The following GYG1 variants were observed in gnomAD, a reference collection of about 807,000 sequenced individuals.
The protein encoded by GYG1 is glycogenin-1.
In GYG1, 44 loss-of-function variants were observed where a neutral mutation model predicts 41.9. That is an observed-to-expected ratio of 1.05 (90% confidence interval 0.83 to 1.35). GYG1 has a LOEUF of 1.35. Among genes scored for constraint, GYG1 ranks in the 40% most tolerant of loss-of-function variants. The probability of loss-of-function intolerance (pLI) is 0.00; values close to 1 mark genes in which losing one functional copy is unlikely to be tolerated. For synonymous variants in GYG1, 141 were observed against 158.1 expected (o/e 0.89, Z 0.81); for missense variants, 429 against 418.9 (o/e 1.02, Z -0.21).
rs144745598 is a variant in GYG1 at position 149,020,222 on chromosome 3, C to T, written c.609-3831C>T. Among the ~76,000 whole-genome samples, 759 of 152,332 alleles carry T rather than the reference C, an allele frequency of 5.0e-3. 7 individuals carry two copies. Among genetic ancestry groups the T allele is most frequent in the African/African-American group, 0.018 (737 of 41,556 alleles). On this transcript the variant is annotated intron_variant, in intron 5 of 7. Coordinates refer to ENST00000345003, the MANE Select transcript of GYG1 (RefSeq NM_004130.4). ...AGTTGCTTACTTCATAATATGCTTT[C>T]CTATTGGTTACTTTCTGTTGCTGGG...
intron 5 of GYG1, among the ~76,000 whole-genome samples, chr3:149,020,922 G>A (rs1387287798): frequency 2.6e-5 from 4 of 152,120 alleles, no homozygotes; most frequent in Non-Finnish European, 4.4e-5. Flanking sequence ...ACTCTGTTTC[G>A]GTTTTAGGCT....
In GYG1 at chr3:149,027,774, G is replaced by T. The variant is rs1278340916; in HGVS notation, c.*841G>T. On this transcript the variant is annotated 3_prime_UTR_variant, in exon 8 of 8. Coordinates refer to ENST00000345003, the MANE Select transcript of GYG1 (RefSeq NM_004130.4). Reference sequence around the variant, plus strand: ...ATTGGGATATATGCTTTAAAAACTGGTATCTATGATTTCAATCTAATTGTT... The same window carrying T: ...ATTGGGATATATGCTTTAAAAACTGTTATCTATGATTTCAATCTAATTGTT... 1 of 152,116 alleles carries T rather than the reference G, an allele frequency of 6.6e-6. No individual in the cohort carries two copies. Among genetic ancestry groups the T allele is most frequent in the East Asian group, 1.9e-4 (1 of 5,200 alleles). 9.4% of individuals were successfully genotyped at this position (152,116 alleles called of 1,614,324 possible).
At chr3:149,019,197 A>G (rs933335509) in intron 5 of GYG1, among the ~76,000 whole-genome samples, 3 of 152,022 alleles carry the variant, frequency 2.0e-5, no homozygotes, top group Non-Finnish European at 4.4e-5. Context: ...TGATTTCTGT[A>G]TGCCCCAGAA....
At position 149,030,709 on chromosome 3, in the gene GYG1, T is replaced by G. The variant is rs2107931334; in HGVS notation, c.*3776T>G. 1 of 152,190 alleles carries G rather than the reference T, an allele frequency of 6.6e-6. No individual in the cohort carries two copies. Among genetic ancestry groups the G allele is most frequent in the East Asian group, 1.9e-4 (1 of 5,202 alleles). The allele number at this position is 152,190 out of a possible 1,614,324, so 9.4% of individuals were successfully genotyped here. A position where few individuals can be genotyped will look rare whatever the true frequency, so the allele number is the denominator to read the frequency against. On this transcript the variant is annotated 3_prime_UTR_variant, in exon 8 of 8. Transcript: ENST00000345003. ...CTAATCCCACATTATTATTCCACTATCATCCCTGCAGAAAGGTCTTGGTTT... is the reference window on the plus strand; with the variant it reads ...CTAATCCCACATTATTATTCCACTAGCATCCCTGCAGAAAGGTCTTGGTTT...
intron 4 of GYG1, chr3:149,008,884 G>A (rs62274643): frequency 0.3 from 62,185 of 204,800 alleles, 10,442 homozygotes; most frequent in Middle Eastern, 0.47. Flanking sequence ...AGGGCCGGGC[G>A]TGATGGCTCA....
chr3:149,027,187 C>T lies in GYG1; in HGVS notation c.*254C>T. On this transcript the variant is annotated 3_prime_UTR_variant, in exon 8 of 8. Coordinates refer to ENST00000345003, the MANE Select transcript of GYG1 (RefSeq NM_004130.4). ...CAGAAATTCTCACTTTTGTTGACTGCCAACATACAAAGTAAGGGAAACTCA... is the reference window on the plus strand; with the variant it reads ...CAGAAATTCTCACTTTTGTTGACTGTCAACATACAAAGTAAGGGAAACTCA... 1.9e-6 allele frequency: 1 copy of T among 526,050 alleles called. No homozygotes were observed. The highest frequency in any genetic ancestry group is 3.4e-6 in the Non-Finnish European group (1 of 294,442). The allele number at this position is 526,050 out of a possible 1,614,324, so 32.6% of individuals were successfully genotyped here. A position where few individuals can be genotyped will look rare whatever the true frequency, so the allele number is the denominator to read the frequency against.
At chr3:149,004,498 C>T (rs73009602) in intron 4 of GYG1, among the ~76,000 whole-genome samples, 4,040 of 152,000 alleles carry the variant, frequency 0.027, 194 homozygotes, top group African/African-American at 0.094. Flanking sequence ...TTTCTGATGA[C>T]GTTAAAACAT....
chr3:148,994,305 C>T, intron 2 of GYG1, 28 bp downstream of exon 2: 3 of 1,612,244 alleles, frequency 1.9e-6, no homozygotes, highest in Non-Finnish European at 2.5e-6. Flanking sequence ...ACCCCAGCAT[C>T]CAAGGGGCTC....
At position 149,026,731 on chromosome 3, in the gene GYG1, CAT is replaced by C. The variant is rs1467734415; in HGVS notation, c.880-27_880-26del. The stretch of plus-strand genomic sequence containing the variant: ...TTAAAACAGTTTGATTTTCAGCTCT[CAT>C]AGAGTCAATTATGCTTTCCTTTCTA... On this transcript the variant is annotated intron_variant, in intron 7 of 7. Transcript: ENST00000345003. The C allele has an allele frequency of 5.5e-6, 8 of 1,462,418 alleles. No homozygotes were observed. The South Asian group carries it at 8.0e-5, about 15-fold the overall frequency. The allele number at this position is 1,462,418 out of a possible 1,614,324, so 90.6% of individuals were successfully genotyped here.
chr3:149,003,305 G>A (rs1251961818), intron 4 of GYG1, among the ~76,000 whole-genome samples: 1 of 151,774 alleles, frequency 6.6e-6, no homozygotes, highest in African/African-American at 2.4e-5. Context: ...TAGTAGAAAT[G>A]GGGTTTCACC....
intron 5 of GYG1, among the ~76,000 whole-genome samples, chr3:149,011,295 G>A (rs920624227): frequency 6.6e-6 from 1 of 152,220 alleles, no homozygotes. Context: ...AACCCTGCTA[G>A]TCTGAATAGT....
intron 5 of GYG1, 148 bp from the exon 6 acceptor site, chr3:149,023,905 T>G: frequency 1.4e-6 from 1 of 706,122 alleles, no homozygotes; most frequent in Admixed American, 2.0e-5. Flanking sequence ...TGTAGTGAAC[T>G]GTCATGCTAC....
intron 2 of GYG1, among the ~76,000 whole-genome samples, chr3:148,995,241 CTGAA>C (rs1712719435): frequency 6.6e-6 from 1 of 152,114 alleles, no homozygotes; most frequent in Non-Finnish European, 1.5e-5. Context: ...ATCGAAGTAT[CTGAA>C]TGAGCTACCT....
intron 5 of GYG1, among the ~76,000 whole-genome samples, chr3:149,009,640 G>A (rs569579202): frequency 6.6e-6 from 1 of 152,158 alleles, no homozygotes; most frequent in African/African-American, 2.4e-5. Flanking sequence ...AGTTTCTGGG[G>A]TTCATGGCCC....
rs552276505 is a variant in GYG1, at chr3:149,030,859, TGA to T, written c.*3931_*3932del. 2.8e-3 allele frequency: 424 copies of T among 152,302 alleles called. 2 individuals carry two copies. The highest frequency in any genetic ancestry group is 1.0e-2 in the African/African-American group (415 of 41,568). The allele number at this position is 152,302 out of a possible 1,614,324, so 9.4% of individuals were successfully genotyped here. On this transcript the variant is annotated 3_prime_UTR_variant, in exon 8 of 8. Transcript: ENST00000345003. ...CACAGGGAGAAAAGGACTTATCTGG[TGA>T]GAGATTTGGCATATACCTTCAATGT...
At chr3:149,005,872 T>C (rs1713373110) in intron 4 of GYG1, among the ~76,000 whole-genome samples, 1 of 152,152 alleles carries the variant, frequency 6.6e-6, no homozygotes, top group South Asian at 2.1e-4. Flanking sequence ...CTAAAATGTA[T>C]TGCCCCAACC....
intron 3 of GYG1, 120 bp downstream of exon 3, chr3:148,996,596 T>A: frequency 8.3e-7 from 1 of 1,201,942 alleles, no homozygotes; most frequent in Non-Finnish European, 1.2e-6. Flanking sequence ...ACCACTGTCA[T>A]GAAATATGTC....
Position 149,027,483 on chromosome 3 carries a change from G to C in GYG1, c.*550G>C, listed in dbSNP as rs558145373. ...ACCCATTTTATTTCCTGTCCTTAGT[G>C]TCTGAAGATGCTCACCAGTTTTCTG... On this transcript the variant is annotated 3_prime_UTR_variant, in exon 8 of 8. Transcript: ENST00000345003. 6.3e-6 allele frequency: 1 copy of C among 157,542 alleles called. No individual in the cohort carries two copies. The highest frequency in any genetic ancestry group is 1.4e-5 in the Non-Finnish European group (1 of 70,938). The allele number at this position is 157,542 out of a possible 1,614,324, so 9.8% of individuals were successfully genotyped here.
In GYG1 at chr3:148,991,613, C is replaced by T; in HGVS notation, c.-28C>T. The T allele has an allele frequency of 6.4e-7, 1 of 1,555,352 alleles. No individual in the cohort carries two copies. Among genetic ancestry groups the T allele is most frequent in the Non-Finnish European group, 8.6e-7 (1 of 1,159,304 alleles). On this transcript the variant is annotated 5_prime_UTR_variant, in exon 1 of 8. Transcript: ENST00000345003. ...CTCTGAGTCACCAACCTGAGGCTGC[C>T]CCGGCCGCCTGCGCACCCGGCAGCA...
Sources: allele counts gnomAD v4.1 joint callset (sites outside exome capture counted in the v4.1 genomes callset), GRCh38; gene constraint gnomAD v4.1.1; transcripts MANE v1.5; gene names NCBI Gene and HGNC (gene_info 2026-07-23, HGNC 2026-07-21).